Variants in STARD3NL observed in about 807,000 individuals in gnomAD.
STARD3NL encodes the protein STARD3 N-terminal like, also known as STARD3 N-terminal-like protein.
In STARD3NL, 17 loss-of-function variants were observed where a neutral mutation model predicts 30.9. The ratio of observed to expected loss-of-function variants is 0.55; its 90% CI spans 0.38 to 0.82. STARD3NL has a LOEUF of 0.82. Ranked by LOEUF, STARD3NL falls within the 40% of genes least tolerant of loss-of-function variation. The pLI is 0.00. For synonymous variants in STARD3NL, 112 were observed against 100.5 expected, an observed-to-expected ratio of 1.11 and a Z score of -0.69; for missense variants, 234 against 277.6, an observed-to-expected ratio of 0.84 and a Z score of 1.12.
intron 7 of STARD3NL, among the ~76,000 whole-genome samples, chr7:38,220,943 AAAAAGAAAAGAAAAG>A (rs139671679): frequency 0.015 from 2,277 of 151,084 alleles, 56 homozygotes; most frequent in African/African-American, 0.052. Flanking sequence ...GTCTCTATTA[AAAAAGAAAAGAAAAG>A]AAAAGAAAAG....
intron 1 of STARD3NL, among the ~76,000 whole-genome samples, chr7:38,193,219 G>A (rs1209927877): frequency 6.6e-6 from 1 of 152,154 alleles, no homozygotes; most frequent in Non-Finnish European, 1.5e-5. Flanking sequence ...GCATGCTTTT[G>A]AAATGCAGTG....
At chr7:38,220,697 C>T (rs1318732997) in intron 7 of STARD3NL, among the ~76,000 whole-genome samples, 1 of 152,224 alleles carries the variant, frequency 6.6e-6, no homozygotes, top group African/African-American at 2.4e-5. Context: ...TACCCATGCT[C>T]ATAGCAGCAT....
At chr7:38,189,991 G>T (rs1784615314) in intron 1 of STARD3NL, among the ~76,000 whole-genome samples, 1 of 152,162 alleles carries the variant, frequency 6.6e-6, no homozygotes, top group South Asian at 2.1e-4. Flanking sequence ...AGCAAAGTTG[G>T]TCTCATGATT....
At chr7:38,229,641 G>A (rs972835703) in intron 8 of STARD3NL, among the ~76,000 whole-genome samples, 9 of 152,280 alleles carry the variant, frequency 5.9e-5, no homozygotes, top group Middle Eastern at 3.4e-3. Flanking sequence ...AGGTCACGGC[G>A]CATGGAGCCC....
intron 6 of STARD3NL, among the ~76,000 whole-genome samples, chr7:38,218,451 G>T (rs942470107): frequency 2.6e-5 from 4 of 152,148 alleles, no homozygotes; most frequent in Non-Finnish European, 5.9e-5. Flanking sequence ...TCTTGGAGAA[G>T]TTATAAGTAA....
intron 6 of STARD3NL, among the ~76,000 whole-genome samples, 197 bp from the exon 7 acceptor site, chr7:38,219,368 T>C (rs1255587503): frequency 1.3e-5 from 2 of 152,230 alleles, no homozygotes; most frequent in Non-Finnish European, 2.9e-5. Flanking sequence ...TTATTTAAGC[T>C]GCTTAGTTAT....
At chr7:38,212,000 T>G in intron 2 of STARD3NL, among the ~76,000 whole-genome samples, 1 of 152,308 alleles carries the variant, frequency 6.6e-6, no homozygotes, top group Admixed American at 6.5e-5. Context: ...TCTTTTCCAC[T>G]GTTTCCAGCT....
chr7:38,223,114 T>G (rs1786562156), intron 7 of STARD3NL, among the ~76,000 whole-genome samples: 2 of 152,022 alleles, frequency 1.3e-5, no homozygotes, highest in Admixed American at 1.3e-4. Flanking sequence ...TGGCTTATAT[T>G]AGACTTACAA....
chr7:38,225,497 T>C (rs1007866137), intron 7 of STARD3NL, among the ~76,000 whole-genome samples: 1 of 152,230 alleles, frequency 6.6e-6, no homozygotes, highest in Non-Finnish European at 1.5e-5. Context: ...CAATACATTT[T>C]GAATTGATTT....
At chr7:38,225,310 A>G (rs1786695861) in intron 7 of STARD3NL, among the ~76,000 whole-genome samples, 1 of 152,120 alleles carries the variant, frequency 6.6e-6, no homozygotes, top group African/African-American at 2.4e-5. Context: ...ATTTCTTCCT[A>G]GAGTCTTTTG....
In STARD3NL at chr7:38,219,606, A is replaced by T. The variant is rs1786330172; in HGVS notation, c.595A>T (p.Ile199Leu). 1 of 1,613,130 alleles carries T rather than the reference A, an allele frequency of 6.2e-7. No homozygotes were observed. Among genetic ancestry groups the T allele is most frequent in the East Asian group, 2.2e-5 (1 of 44,850 alleles). Reference sequence around the variant, plus strand: ...GGATGCTTCAGAGAGGGCAGCACTTATACCTGGTGGTCTTTCTGATGGTCA... The same window carrying T: ...GGATGCTTCAGAGAGGGCAGCACTTTTACCTGGTGGTCTTTCTGATGGTCA... ...VQDASERAAL[I>L]PGGLSDGQFY... The change falls in exon 7 of 9, where the codon ATA (isoleucine) becomes TTA (leucine). Residue 199 changes from isoleucine to leucine, a missense_variant. Transcript: ENST00000009041.
intron 1 of STARD3NL, among the ~76,000 whole-genome samples, chr7:38,181,785 G>T (rs1355811631): frequency 1.3e-5 from 2 of 152,070 alleles, no homozygotes; most frequent in Admixed American, 6.5e-5. Context: ...GAAGACCCAG[G>T]TCATCATGAT....
At chr7:38,219,734 C>T (rs534988815) in intron 7 of STARD3NL, 74 bp downstream of exon 7, 18 of 1,281,398 alleles carry the variant, frequency 1.4e-5, no homozygotes, top group African/African-American at 2.9e-5. Context: ...TTCCCTACCC[C>T]CTCTGTTTCT....
chr7:38,183,033 A>G (rs1333676861), intron 1 of STARD3NL, among the ~76,000 whole-genome samples: 1 of 152,222 alleles, frequency 6.6e-6, no homozygotes, highest in Non-Finnish European at 1.5e-5. Flanking sequence ...AGGAAAATAT[A>G]TTCTCAGAAT....
At chr7:38,187,957 G>A (rs1471349320) in intron 1 of STARD3NL, among the ~76,000 whole-genome samples, 1 of 152,012 alleles carries the variant, frequency 6.6e-6, no homozygotes, top group African/African-American at 2.4e-5. Flanking sequence ...AATGCTTTGG[G>A]CTCCTTACTT....
intron 1 of STARD3NL, among the ~76,000 whole-genome samples, chr7:38,204,681 A>G (rs991816718): frequency 4.6e-5 from 7 of 152,108 alleles, no homozygotes; most frequent in Non-Finnish European, 8.8e-5. Context: ...CCTTCAAAAA[A>G]TCAATGAATC....
chr7:38,221,585 G>C (rs905249137), intron 7 of STARD3NL, among the ~76,000 whole-genome samples: 5 of 152,196 alleles, frequency 3.3e-5, no homozygotes, highest in Non-Finnish European at 7.3e-5. Flanking sequence ...GTGTAGCTGG[G>C]ATTTGAAGCT....
intron 1 of STARD3NL, among the ~76,000 whole-genome samples, chr7:38,205,230 A>G (rs1236353855): frequency 6.6e-6 from 1 of 152,240 alleles, no homozygotes; most frequent in African/African-American, 2.4e-5. Context: ...CAATGCAAAA[A>G]TCCTCAATAA....
intron 2 of STARD3NL, among the ~76,000 whole-genome samples, chr7:38,213,866 A>G (rs925760306): frequency 1.3e-5 from 2 of 152,226 alleles, no homozygotes; most frequent in African/African-American, 4.8e-5. Context: ...AGGAGAAATA[A>G]AAATGAGAAA....
Sources: allele counts gnomAD v4.1 joint callset (sites outside exome capture counted in the v4.1 genomes callset), GRCh38; gene constraint gnomAD v4.1.1; transcripts MANE v1.5; gene names NCBI Gene and HGNC (gene_info 2026-07-23, HGNC 2026-07-21).